The following INTS4 variants were observed in gnomAD, a reference collection of about 807,000 sequenced individuals.
The protein encoded by INTS4 is MSTP093.
A neutral mutation model predicts 119.5 loss-of-function variants in INTS4; 70 were observed. The ratio of observed to expected loss-of-function variants is 0.59; its 90% CI spans 0.48 to 0.71. INTS4 has a LOEUF of 0.71. Ranked by LOEUF, INTS4 falls within the 30% of genes least tolerant of loss-of-function variation. INTS4 has a pLI of 0.00. For missense variants in INTS4, 867 were observed against 1,173.2 expected, an observed-to-expected ratio of 0.74 and a Z score of 3.81; for synonymous variants, 316 against 419.6, an observed-to-expected ratio of 0.75 and a Z score of 3.02.
At chr11:77,966,227 A>AC (rs1282897008) in intron 4 of INTS4, among the ~76,000 whole-genome samples, 1 of 152,014 alleles carries the variant, frequency 6.6e-6, no homozygotes, top group African/African-American at 2.4e-5. Context: ...TGGTTTACAC[A>AC]TTTTGTTTTT....
At chr11:77,888,515 C>A (rs1283118119) in intron 21 of INTS4, among the ~76,000 whole-genome samples, 1 of 152,108 alleles carries the variant, frequency 6.6e-6, no homozygotes, top group Non-Finnish European at 1.5e-5. Flanking sequence ...TAGGCATGGG[C>A]AAGGACTTCA....
At chr11:77,988,328 G>A (rs982896355) in intron 2 of INTS4, among the ~76,000 whole-genome samples, 7 of 152,148 alleles carry the variant, frequency 4.6e-5, no homozygotes, top group African/African-American at 1.7e-4. Context: ...TATATTTGTT[G>A]AGTAAAATGT....
intron 18 of INTS4, among the ~76,000 whole-genome samples, chr11:77,900,351 G>A (rs940082725): frequency 2.9e-4 from 44 of 151,984 alleles, no homozygotes; most frequent in Non-Finnish European, 2.2e-4. Flanking sequence ...TGCCCACCTT[G>A]GCCTCCCAAA....
chr11:77,908,846 T>TA (rs5792785), intron 15 of INTS4, among the ~76,000 whole-genome samples: 58,723 of 152,004 alleles, frequency 0.39, 11,552 homozygotes, highest in African/African-American at 0.43. Flanking sequence ...CATTATTTTT[T>TA]AAAAGGTATT....
chr11:77,884,245 T>C (rs1417365669), intron 21 of INTS4, among the ~76,000 whole-genome samples: 1 of 152,170 alleles, frequency 6.6e-6, no homozygotes, highest in Non-Finnish European at 1.5e-5. Context: ...AAAAGTGTTC[T>C]CAGGCACCTT....
chr11:77,994,482 G>C (rs945071580), intron 1 of INTS4, 108 bp downstream of exon 1: 47 of 853,376 alleles, frequency 5.5e-5, no homozygotes, highest in Non-Finnish European at 8.7e-5. Context: ...CAACAAGTCA[G>C]CACTTAACAC....
intron 21 of INTS4, among the ~76,000 whole-genome samples, chr11:77,888,225 G>A (rs965638336): frequency 5.3e-5 from 8 of 152,138 alleles, no homozygotes; most frequent in African/African-American, 9.7e-5. Context: ...CCAAAACAGA[G>A]ATATAGATCA....
intron 11 of INTS4, among the ~76,000 whole-genome samples, chr11:77,925,930 A>G (rs1387337610): frequency 6.6e-6 from 1 of 152,204 alleles, no homozygotes; most frequent in African/African-American, 2.4e-5. Context: ...CTTGAACATC[A>G]TCTCCTCAGA....
chr11:77,896,295 C>T lies in INTS4; in HGVS notation c.2229-1946G>A, dbSNP rs1404059886. On this transcript the variant is annotated intron_variant, in intron 18 of 22. Coordinates refer to ENST00000534064, the MANE Select transcript of INTS4 (RefSeq NM_033547.4). ...CACATAATAATGAAATCAAACTCAA[C>T]GGTTCAGAACAGTGGAATCAACAAC... 4.6e-5 allele frequency among the ~76,000 whole-genome samples: 7 copies of T among 152,084 alleles called. No homozygotes were observed. In the South Asian group the frequency reaches 8.3e-4, roughly 18 times the overall value.
chr11:77,920,212 T>TATATATACACATATATATACAC (rs1432071373), intron 14 of INTS4, among the ~76,000 whole-genome samples: 1 of 142,388 alleles, frequency 7.0e-6, no homozygotes, highest in Non-Finnish European at 1.5e-5. Flanking sequence ...TATACACACA[T>TATATATACACATATATATACAC]ATATATACAC....
intron 2 of INTS4, among the ~76,000 whole-genome samples, chr11:77,989,006 A>C (rs1183055808): frequency 6.6e-6 from 1 of 152,198 alleles, no homozygotes; most frequent in Non-Finnish European, 1.5e-5. Flanking sequence ...AATATCAACT[A>C]ATTCTTAGAT....
intron 15 of INTS4, chr11:77,918,506 G>T (rs4944179): frequency 0.057 from 15,259 of 266,212 alleles, 619 homozygotes; most frequent in Admixed American, 0.077. Flanking sequence ...ATTAAACTTT[G>T]CTCCTGTTTT....
chr11:77,917,986 C>A (rs1055491209), intron 15 of INTS4: 109 of 692,988 alleles, frequency 1.6e-4, no homozygotes, highest in Non-Finnish European at 2.6e-4. Context: ...GAGTGTACAA[C>A]TTTTGGGAAG....
chr11:77,974,062 T>C (rs1269896689), intron 4 of INTS4, among the ~76,000 whole-genome samples: 2 of 152,130 alleles, frequency 1.3e-5, no homozygotes, highest in East Asian at 3.9e-4. Context: ...AGGCCTGAGC[T>C]TTTCTTTGTA....
intron 18 of INTS4, chr11:77,900,799 G>C: frequency 1.7e-6 from 1 of 594,000 alleles, no homozygotes; most frequent in South Asian, 2.1e-5. Flanking sequence ...CCAGTTATCT[G>C]AAAGTCTTAC....
At chr11:77,895,960 T>C (rs1251565747) in intron 18 of INTS4, among the ~76,000 whole-genome samples, 2 of 152,126 alleles carry the variant, frequency 1.3e-5, no homozygotes, top group African/African-American at 2.4e-5. Flanking sequence ...AAATTACCAA[T>C]TTAAACTAGT....
At chr11:77,918,096 T>C (rs1030430069) in intron 15 of INTS4, 5 of 702,358 alleles carry the variant, frequency 7.1e-6, no homozygotes, top group African/African-American at 7.0e-5. Flanking sequence ...ATCTGAATTG[T>C]TAAGCAGAGG....
Position 77,928,542 on chromosome 11 carries a change from G to A in INTS4, c.1171C>T (p.Arg391Cys), listed in dbSNP as rs1265086812. The change falls in exon 11 of 23, where the codon CGT becomes TGT. Residue 391 changes from arginine (R) to cysteine (C), a missense_variant. Arg to Cys is a radical substitution (Grantham distance 180, BLOSUM62 -3). Around this residue, in one of 5 missense-constraint regions of INTS4, gnomAD observed 208 missense variants for 306.6 expected, o/e 0.68. Transcript: ENST00000534064. ...CAGAGGGCCTCCACAGCAGCAATAC[G>A]AACCTCTAGAAAAAAGAACAAATGA... ...HGLEDEMYEVRIAAVEALCML... is the reference protein window; with the variant it reads ...HGLEDEMYEVCIAAVEALCML... 6.4e-6 allele frequency: 10 copies of A among 1,563,614 alleles called. No individual in the cohort carries two copies. The African/African-American group carries it at 1.2e-4, about 19-fold the overall frequency.
rs562188214 is a variant in INTS4, at chr11:77,960,876, T to C, written c.657+77A>G. The stretch of plus-strand genomic sequence containing the variant: ...TATATGCTGAAGAATTTACAATGTA[T>C]CCAAGGCAGCACTAGCTATAAACTT... On this transcript the variant is annotated intron_variant, in intron 5 of 22. Transcript: ENST00000534064. The C allele has an allele frequency of 7.7e-6, 10 of 1,302,324 alleles. No homozygotes were observed. In the East Asian group the frequency reaches 1.6e-4, roughly 21 times the overall value. The allele number at this position is 1,302,324 out of a possible 1,614,324, so 80.7% of individuals were successfully genotyped here.
Sources: gnomAD v4.1 joint callset for allele counts (sites outside exome capture counted in the v4.1 genomes callset) on GRCh38, gnomAD v4.1.1 for gene constraint, gnomAD v4.1.1 regional missense constraint, MANE v1.5 for transcripts, NCBI Gene and HGNC (gene_info 2026-07-23, HGNC 2026-07-21) for gene names.